Variants in C6 observed in about 807,000 individuals in gnomAD.
C6 encodes complement C6.
Under a neutral mutation model 112.9 loss-of-function variants are expected in C6, and 101 were observed. The observed-to-expected ratio is 0.89, with a 90% CI of 0.76 to 1.06. The LOEUF (loss-of-function observed/expected upper bound fraction) is 1.06, where lower values mean the gene tolerates loss of function less well. Among genes scored for constraint, C6 ranks in the 50% least tolerant of loss-of-function variants. C6 has a pLI of 0.00. For missense variants in C6, 1,202 were observed against 1,104.6 expected (o/e 1.09, Z -1.25); for synonymous variants, 431 against 384.1 (o/e 1.12, Z -1.43).
intron 1 of C6, among the ~76,000 whole-genome samples, chr5:41,241,184 G>A (rs954986844): frequency 6.6e-6 from 1 of 152,184 alleles, no homozygotes; most frequent in African/African-American, 2.4e-5. Flanking sequence ...ATGTATGCAA[G>A]TGTGTGGCAA....
At chr5:41,208,532 A>C (rs1402761470) in intron 1 of C6, among the ~76,000 whole-genome samples, 2 of 152,168 alleles carry the variant, frequency 1.3e-5, no homozygotes, top group African/African-American at 4.8e-5. Context: ...AAAATGATAA[A>C]GGGGATATCA....
intron 17 of C6, among the ~76,000 whole-genome samples, chr5:41,146,482 C>T (rs1745837633): frequency 6.6e-6 from 1 of 152,114 alleles, no homozygotes; most frequent in African/African-American, 2.4e-5. Flanking sequence ...CTTTCTCTGT[C>T]TTCATAAATG....
At position 41,183,928 on chromosome 5, in the gene C6, C is replaced by T. The variant is rs115578651; in HGVS notation, c.726+2142G>A. 1.0e-4 allele frequency among the ~76,000 whole-genome samples: 15 copies of T among 148,558 alleles called. No homozygotes were observed. The East Asian group carries it at 2.3e-3, about 23-fold the overall frequency. ...TCACTTATAAGTGAGAGCTAAACATCGGGCACTCATGGACATAAAGATGGC... is the reference window on the plus strand; with the variant it reads ...TCACTTATAAGTGAGAGCTAAACATTGGGCACTCATGGACATAAAGATGGC... On this transcript the variant is annotated intron_variant, in intron 6 of 17. Transcript: ENST00000337836.
At chr5:41,158,612 A>G in intron 13 of C6, 62 bp downstream of exon 13, 1 of 859,860 alleles carries the variant, frequency 1.2e-6, no homozygotes. Flanking sequence ...TAATTAAAAG[A>G]CAAGCTATAC....
Position 41,155,326 on chromosome 5 carries a change from C to A in C6, c.1969-222G>T, listed in dbSNP as rs543759978. On this transcript the variant is annotated intron_variant, in intron 13 of 17. Coordinates refer to ENST00000337836, the MANE Select transcript of C6 (RefSeq NM_000065.5). ...CTTTCTTACTAGGGCAACTTTATAACTGGTCACTCTTCTAATCCATCTCCC... is the reference window on the plus strand; with the variant it reads ...CTTTCTTACTAGGGCAACTTTATAAATGGTCACTCTTCTAATCCATCTCCC... 3.3e-5 allele frequency among the ~76,000 whole-genome samples: 5 copies of A among 152,238 alleles called. No individual in the cohort carries two copies. The South Asian group carries it at 1.0e-3, about 32-fold the overall frequency.
Position 41,195,903 on chromosome 5 carries a change from T to G in C6, c.476A>C (p.Asn159Thr), listed in dbSNP as rs367946398. ...ATTGTCTCCACAGTCATTTTCTCCA[T>G]TGCATTCTAACTTTCTGGCAATGCA... ...GRCIARKLECNGENDCGDNSD... is the reference protein window; with the variant it reads ...GRCIARKLECTGENDCGDNSD... The change falls in exon 5 of 18, where the codon AAT (asparagine) becomes ACT (threonine). Residue 159 changes from asparagine (N) to threonine (T), a missense_variant. Physicochemically the swap from Asn to Thr is moderately conservative, Grantham distance 65. Transcript: ENST00000337836. The G allele has an allele frequency of 6.2e-7, 1 of 1,613,886 alleles. No individual in the cohort carries two copies. The highest frequency in any genetic ancestry group is 1.3e-5 in the African/African-American group (1 of 74,930).
chr5:41,149,094 C>T (rs1746123921), intron 17 of C6, 147 bp downstream of exon 17: 4 of 1,047,404 alleles, frequency 3.8e-6, no homozygotes, highest in African/African-American at 1.6e-5. Flanking sequence ...TATAATTTTC[C>T]TTTCTGTTTA....
chr5:41,204,549 T>C (rs1352990748), intron 1 of C6, among the ~76,000 whole-genome samples: 7 of 152,190 alleles, frequency 4.6e-5, no homozygotes, highest in Non-Finnish European at 1.0e-4. Flanking sequence ...ATAAATGGGG[T>C]TCATCATTTG....
At chr5:41,232,842 C>G (rs1296026209) in intron 1 of C6, among the ~76,000 whole-genome samples, 1 of 151,612 alleles carries the variant, frequency 6.6e-6, no homozygotes, top group Non-Finnish European at 1.5e-5. Flanking sequence ...TGTCATGTTT[C>G]TTTTTGTGTT....
At chr5:41,198,220 T>C (rs1266002249) in intron 4 of C6, among the ~76,000 whole-genome samples, 1 of 152,158 alleles carries the variant, frequency 6.6e-6, no homozygotes, top group Non-Finnish European at 1.5e-5. Flanking sequence ...GGCAAGATGG[T>C]CAATCTTTTC....
intron 2 of C6, 80 bp downstream of exon 2, chr5:41,203,008 A>G (rs1341245781): frequency 3.1e-6 from 4 of 1,289,516 alleles, no homozygotes; most frequent in Non-Finnish European, 4.5e-6. Flanking sequence ...CCCATTGCTT[A>G]GTGTTGCACT....
upstream of C6, among the ~76,000 whole-genome samples, chr5:41,215,791 G>C (rs1752177138): frequency 6.6e-6 from 1 of 152,092 alleles, no homozygotes; most frequent in South Asian, 2.1e-4. Context: ...CTCTTTTAAT[G>C]ATAATAGATT....
At chr5:41,227,474 C>T (rs1025169002) in intron 1 of C6, among the ~76,000 whole-genome samples, 4 of 151,980 alleles carry the variant, frequency 2.6e-5, no homozygotes, top group Non-Finnish European at 4.4e-5. Flanking sequence ...TCTCATTTAC[C>T]TATCTTTGCT....
intron 1 of C6, among the ~76,000 whole-genome samples, chr5:41,244,356 A>C (rs988532070): frequency 6.6e-6 from 1 of 152,206 alleles, no homozygotes; most frequent in African/African-American, 2.4e-5. Flanking sequence ...GTTAATTCTT[A>C]TAACATCTTT....
intron 5 of C6, among the ~76,000 whole-genome samples, chr5:41,188,203 T>G (rs1749932305): frequency 6.6e-6 from 1 of 152,108 alleles, no homozygotes; most frequent in Non-Finnish European, 1.5e-5. Flanking sequence ...TAGCAGTACT[T>G]CCCAAATTGA....
intron 9 of C6, among the ~76,000 whole-genome samples, chr5:41,171,588 G>T (rs1467061248): frequency 6.6e-6 from 1 of 152,168 alleles, no homozygotes; most frequent in Admixed American, 6.6e-5. Flanking sequence ...ATAGAAAAGT[G>T]AAAGCCTATT....
chr5:41,159,034 T>C, intron 12 of C6, 48 bp downstream of exon 12: 4 of 1,594,152 alleles, frequency 2.5e-6, no homozygotes, highest in Non-Finnish European at 3.4e-6. Flanking sequence ...TCAATGTTAT[T>C]GAGAGTTAGG....
intron 1 of C6, 112 bp downstream of exon 1, chr5:41,213,264 A>G (rs1388382629): frequency 3.5e-6 from 1 of 289,828 alleles, no homozygotes; most frequent in Non-Finnish European, 5.1e-6. Context: ...AGACAAAGAA[A>G]TGGTTATAGT....
chr5:41,147,896 G>T (rs1284767546), intron 17 of C6, among the ~76,000 whole-genome samples: 1 of 152,216 alleles, frequency 6.6e-6, no homozygotes, highest in Middle Eastern at 3.4e-3. Flanking sequence ...AGGGAAAATG[G>T]AAATAGAATG....
Sources: gnomAD v4.1 joint callset for allele counts (sites outside exome capture counted in the v4.1 genomes callset) on GRCh38, gnomAD v4.1.1 for gene constraint, MANE v1.5 for transcripts, NCBI Gene and HGNC (gene_info 2026-07-23, HGNC 2026-07-21) for gene names.